The following DAB1 variants were observed in gnomAD, a reference collection of about 807,000 sequenced individuals.
The protein encoded by DAB1 is disabled homolog 1.
Under a neutral mutation model 64.6 loss-of-function variants are expected in DAB1, and 15 were observed. That is an observed-to-expected ratio of 0.23 (90% CI 0.16 to 0.36). The LOEUF is 0.36. Ranked by LOEUF, DAB1 falls within the 10% of genes least tolerant of loss-of-function variation. The pLI is 1.00. For missense variants in DAB1, 596 were observed against 706.7 expected, an observed-to-expected ratio of 0.84 and a Z score of 1.78; for synonymous variants, 235 against 251.9, an observed-to-expected ratio of 0.93 and a Z score of 0.64.
intron 3 of DAB1, among the ~76,000 whole-genome samples, chr1:58,409,780 A>C (rs750238450): frequency 7.9e-5 from 12 of 152,174 alleles, no homozygotes; most frequent in Non-Finnish European, 1.5e-4. Flanking sequence ...GATGGAGGCC[A>C]AGGACACTGA....
In DAB1 at chr1:57,438,397, T is replaced by A. The variant is rs556883426; in HGVS notation, n.626-147231A>T. 2.0e-5 allele frequency among the ~76,000 whole-genome samples: 3 copies of A among 152,276 alleles called. No individual in the cohort carries two copies. The South Asian group carries it at 6.2e-4, about 32-fold the overall frequency. On this transcript the variant is annotated intron_variant and non_coding_transcript_variant, in intron 7 of 20. Transcript: ENST00000485760. ...TGGACTCACAAGATAGTGGTTTGTT[T>A]TTTTTTCCTATGGCCAATAACCATA...
intron 3 of DAB1, among the ~76,000 whole-genome samples, chr1:58,452,007 C>T (rs757039466): frequency 1.1e-4 from 17 of 150,680 alleles, no homozygotes; most frequent in Non-Finnish European, 1.6e-4. Context: ...AACCTTTGTG[C>T]CCCACCGCCC....
intron 5 of DAB1, among the ~76,000 whole-genome samples, chr1:57,934,798 T>C (rs1056369236): frequency 1.3e-5 from 2 of 152,202 alleles, no homozygotes; most frequent in African/African-American, 4.8e-5. Context: ...CATTGTGCCA[T>C]GGATCTTTCT....
At chr1:57,865,959 T>C (rs1311743328) in intron 1 of DAB1, among the ~76,000 whole-genome samples, 1 of 152,182 alleles carries the variant, frequency 6.6e-6, no homozygotes, top group Non-Finnish European at 1.5e-5. Flanking sequence ...GCTAGCTTTC[T>C]GATTCAAAGA....
chr1:57,028,734 C>T (rs1646869446), intron 9 of DAB1, among the ~76,000 whole-genome samples: 1 of 152,188 alleles, frequency 6.6e-6, no homozygotes, highest in African/African-American at 2.4e-5. Context: ...AGACCAGTGA[C>T]ATTTTGCCCC....
intron 4 of DAB1, among the ~76,000 whole-genome samples, chr1:57,117,391 A>C (rs1656233814): frequency 6.6e-6 from 1 of 152,244 alleles, no homozygotes; most frequent in South Asian, 2.1e-4. Flanking sequence ...TGGAGAATTA[A>C]GATGAAGCTA....
chr1:58,245,723 T>C (rs1433943233), intron 4 of DAB1, among the ~76,000 whole-genome samples: 1 of 152,174 alleles, frequency 6.6e-6, no homozygotes, highest in Non-Finnish European at 1.5e-5. Context: ...ACCAGTCACA[T>C]CGGGCTACTG....
At chr1:57,288,674 T>C (rs1422759065) in intron 2 of DAB1, among the ~76,000 whole-genome samples, 1 of 152,102 alleles carries the variant, frequency 6.6e-6, no homozygotes, top group Non-Finnish European at 1.5e-5. Flanking sequence ...TCTATGGTAT[T>C]TTCTTGTGGC....
At chr1:58,229,170 T>C (rs773745876) in intron 4 of DAB1, among the ~76,000 whole-genome samples, 10 of 152,174 alleles carry the variant, frequency 6.6e-5, no homozygotes, top group Non-Finnish European at 1.2e-4. Flanking sequence ...GGTCTCACTA[T>C]GTATCCCAGG....
chr1:58,152,780 G>A (rs188142477), intron 4 of DAB1, among the ~76,000 whole-genome samples: 9 of 152,264 alleles, frequency 5.9e-5, no homozygotes, highest in Admixed American at 2.6e-4. Context: ...CACAACATAC[G>A]AGTAGTAAGT....
At chr1:58,218,529 A>AGG (rs1658977684) in intron 4 of DAB1, among the ~76,000 whole-genome samples, 1 of 152,076 alleles carries the variant, frequency 6.6e-6, no homozygotes, top group African/African-American at 2.4e-5. Context: ...CAGGAGAGTG[A>AGG]GGAGGCCAGT....
intron 5 of DAB1, among the ~76,000 whole-genome samples, chr1:58,066,280 C>T (rs1272675375): frequency 6.6e-6 from 1 of 152,126 alleles, no homozygotes; most frequent in African/African-American, 2.4e-5. Context: ...TTAAACACAC[C>T]AGCCAGGGGT....
intron 3 of DAB1, among the ~76,000 whole-genome samples, chr1:58,495,490 T>C (rs970624106): frequency 2.6e-5 from 4 of 152,178 alleles, no homozygotes; most frequent in Admixed American, 2.6e-4. Context: ...TTTCATATTA[T>C]TCAGCTGAAT....
intron 1 of DAB1, among the ~76,000 whole-genome samples, chr1:58,530,937 TATC>T (rs1451102884): frequency 6.6e-6 from 1 of 152,200 alleles, no homozygotes; most frequent in African/African-American, 2.4e-5. Flanking sequence ...ATTTAACTAG[TATC>T]TACTAAGCCA....
Position 57,512,098 on chromosome 1 carries a change from T to C in DAB1, n.625+137494A>G, listed in dbSNP as rs550483618. On this transcript the variant is annotated intron_variant and non_coding_transcript_variant, in intron 7 of 20. Transcript: ENST00000485760. ...CTAAGCCCTAGAGAATGTAAGTAAT[T>C]TGCCCAATGTCAGAAAATAAGATGA... Among the ~76,000 whole-genome samples, 3 of 152,362 alleles carry C rather than the reference T, an allele frequency of 2.0e-5. No individual in the cohort carries two copies. The South Asian group carries it at 6.2e-4, about 32-fold the overall frequency.
At chr1:58,298,515 C>A (rs1461065442) in intron 4 of DAB1, among the ~76,000 whole-genome samples, 1 of 152,240 alleles carries the variant, frequency 6.6e-6, no homozygotes, top group African/African-American at 2.4e-5. Flanking sequence ...AGAGTCACAA[C>A]ATGTACAGCC....
intron 2 of DAB1, among the ~76,000 whole-genome samples, chr1:57,232,284 C>CTTTTTT (rs74940041): frequency 0.019 from 1,587 of 81,564 alleles, 150 homozygotes; most frequent in East Asian, 0.03. Context: ...GCAGTGGCCA[C>CTTTTTT]TTTTTTTTTT....
intron 9 of DAB1, among the ~76,000 whole-genome samples, chr1:57,054,173 GGAAAA>G (rs1186968886): frequency 2.0e-5 from 3 of 152,056 alleles, no homozygotes; most frequent in Non-Finnish European, 4.4e-5. Flanking sequence ...TGAAGAGAGG[GGAAAA>G]GAAAAGTGCT....
At chr1:57,370,533 C>G (rs1165576695) in intron 1 of DAB1, among the ~76,000 whole-genome samples, 2 of 151,168 alleles carry the variant, frequency 1.3e-5, no homozygotes, top group African/African-American at 2.4e-5. Context: ...GCATGTGAAT[C>G]TGATATCTAC....
Sources: gnomAD v4.1 joint callset for allele counts (sites outside exome capture counted in the v4.1 genomes callset) on GRCh38, gnomAD v4.1.1 for gene constraint, MANE v1.5 for transcripts, NCBI Gene and HGNC (gene_info 2026-07-23, HGNC 2026-07-21) for gene names.